The following KIAA0825 variants were observed in gnomAD, a reference collection of about 807,000 sequenced individuals.
KIAA0825 encodes KIAA0825.
A neutral mutation model predicts 147.6 loss-of-function variants in KIAA0825; 119 were observed. The ratio of observed to expected loss-of-function variants is 0.81; its 90% CI spans 0.69 to 0.94. The LOEUF (loss-of-function observed/expected upper bound fraction) is 0.94. KIAA0825 is among the 40% of genes least tolerant of loss of function. KIAA0825 has a pLI of 0.00. For missense variants in KIAA0825, 1,381 were observed against 1,472.7 expected (o/e 0.94, Z 1.02); for synonymous variants, 470 against 518.1 (o/e 0.91, Z 1.26).
Position 94,152,111 on chromosome 5 carries a change from A to AT in KIAA0825, c.*1895dup, listed in dbSNP as rs1766547035. Among the ~76,000 whole-genome samples the AT allele has an allele frequency of 6.6e-6, 1 of 152,240 alleles. No individual in the cohort carries two copies. Among genetic ancestry groups the AT allele is most frequent in the Non-Finnish European group, 1.5e-5 (1 of 68,036 alleles). On this transcript the variant is annotated 3_prime_UTR_variant, in exon 21 of 21. Transcript: ENST00000682413. ...TGATTATACTGGCCAACTAAAGTAC[A>AT]TTTTTTAAAAATAAAATGTGTTATT...
intron 5 of KIAA0825, among the ~76,000 whole-genome samples, chr5:94,516,848 C>T (rs929869218): frequency 2.0e-5 from 3 of 151,972 alleles, no homozygotes; most frequent in Middle Eastern, 3.4e-3. Context: ...CACCTGTAAC[C>T]CCAGCACTTT....
chr5:94,163,816 G>A (rs1767789481), intron 20 of KIAA0825, among the ~76,000 whole-genome samples: 1 of 152,074 alleles, frequency 6.6e-6, no homozygotes, highest in African/African-American at 2.4e-5. Flanking sequence ...AAAATATGGT[G>A]TTGTATATAT....
chr5:94,253,699 G>T (rs1776095884), intron 20 of KIAA0825, among the ~76,000 whole-genome samples: 1 of 151,962 alleles, frequency 6.6e-6, no homozygotes, highest in Non-Finnish European at 1.5e-5. Context: ...ATTTTTGTTT[G>T]GTTCCGTGAA....
intron 17 of KIAA0825, among the ~76,000 whole-genome samples, chr5:94,394,187 T>C (rs931102145): frequency 6.6e-6 from 1 of 152,118 alleles, no homozygotes; most frequent in Non-Finnish European, 1.5e-5. Flanking sequence ...CTGTAAGAGA[T>C]TGTTATCTAA....
Position 94,271,057 on chromosome 5 carries a change from T to C in KIAA0825, c.3710+113311A>G, listed in dbSNP as rs925538738. On this transcript the variant is annotated intron_variant, in intron 20 of 20. Coordinates refer to ENST00000682413, the MANE Select transcript of KIAA0825 (RefSeq NM_001145678.3). ...ATAGAAGTATTAAGTATATGAAATA[T>C]ATTTTACTAGACAATTTGAAAAGGT... Among the ~76,000 whole-genome samples, 32 of 152,264 alleles carry C rather than the reference T, an allele frequency of 2.1e-4. 1 individual carries two copies. Among genetic ancestry groups the C allele is most frequent in the Admixed American group, 2.0e-4 (3 of 15,288 alleles).
At chr5:94,228,945 C>T (rs1309213154) in intron 20 of KIAA0825, among the ~76,000 whole-genome samples, 1 of 152,152 alleles carries the variant, frequency 6.6e-6, no homozygotes, top group Admixed American at 6.5e-5. Flanking sequence ...CTGACCATTC[C>T]AGGCCCCACC....
rs186554892 is a variant in KIAA0825 at position 94,520,839 on chromosome 5, C to G, written c.379G>C (p.Val127Leu). Residue 127 changes from valine to leucine, a missense_variant, in exon 5 of 21, where the codon GTT becomes CTT. Coordinates refer to ENST00000682413, the MANE Select transcript of KIAA0825 (RefSeq NM_001145678.3). ...LLWDLSCHSS[V>L]SFPSTLSGTS... is the part of the protein sequence containing the mutation. Reference sequence around the variant, plus strand: ...CCACTTAGGGTTGATGGGAATGAAACGCTGCTGTGGCAGGAGAGGTCCCAA... The same window carrying G: ...CCACTTAGGGTTGATGGGAATGAAAGGCTGCTGTGGCAGGAGAGGTCCCAA... 6.2e-7 allele frequency: 1 copy of G among 1,612,936 alleles called. No homozygotes were observed. Among genetic ancestry groups the G allele is most frequent in the Non-Finnish European group, 8.5e-7 (1 of 1,179,308 alleles).
rs112912777 is a variant in KIAA0825 at position 94,236,852 on chromosome 5, T to A, written c.3711-82728A>T. On this transcript the variant is annotated intron_variant, in intron 20 of 20. Transcript: ENST00000682413. ...GTATTTTAAAGCAATGAATTATTTTTAAATTAAGTATGTACATTGTTTTTT... is the reference window on the plus strand; with the variant it reads ...GTATTTTAAAGCAATGAATTATTTTAAAATTAAGTATGTACATTGTTTTTT... Among the ~76,000 whole-genome samples, 877 of 152,336 alleles carry A rather than the reference T, an allele frequency of 5.8e-3. 11 individuals are homozygous for A. The highest frequency in any genetic ancestry group is 0.019 in the African/African-American group (791 of 41,580).
chr5:94,578,702 T>C (rs1341008985), intron 2 of KIAA0825, among the ~76,000 whole-genome samples: 1 of 152,174 alleles, frequency 6.6e-6, no homozygotes, highest in Non-Finnish European at 1.5e-5. Context: ...AGATACTTAA[T>C]TCTAAATTTA....
Position 94,452,970 on chromosome 5 carries a change from AG to A in KIAA0825, c.2345del (p.Pro782LeufsTer12). On this transcript the variant is annotated frameshift_variant, in exon 13 of 21. Transcript: ENST00000682413. LOFTEE classifies it high-confidence loss of function. ...YWVSCISHFY[P>X]SLLRTPSAGG... is the part of the protein sequence containing the mutation. ...TTAGAGGCTCTCACCTGAGTAAAGA[AG>A]GGTAGAAATGTGATATGCAAGAAAC... 6.7e-7 allele frequency: 1 copy of A among 1,497,538 alleles called. No individual in the cohort carries two copies. The highest frequency in any genetic ancestry group is 8.9e-7 in the Non-Finnish European group (1 of 1,118,138). 92.8% of individuals were successfully genotyped at this position (1,497,538 alleles called of 1,614,324 possible). A position where few individuals can be genotyped will look rare whatever the true frequency, so the allele number is the denominator to read the frequency against.
Position 94,391,634 on chromosome 5 carries a change from C to A in KIAA0825, c.3357G>T (p.Leu1119=), listed in dbSNP as rs1043305120. The A allele has an allele frequency of 1.2e-5, 18 of 1,551,416 alleles. No individual in the cohort carries two copies. Among genetic ancestry groups the A allele is most frequent in the Admixed American group, 7.9e-5 (4 of 50,938 alleles). ...CCATCGTGTTTATTTTCTGCTCAGT[C>A]AGTTCAAGAGCAACATCTCCTTCTT... The part of the protein sequence containing the change: ...ALQEGDVALE[L]TEQKINTMVL... The change falls in exon 18 of 21, where the codon CTG becomes CTT. Residue 1119 remains leucine, a synonymous_variant. Coordinates refer to ENST00000682413, the MANE Select transcript of KIAA0825 (RefSeq NM_001145678.3).
At chr5:94,184,512 T>C (rs1333017142) in intron 20 of KIAA0825, among the ~76,000 whole-genome samples, 1 of 152,118 alleles carries the variant, frequency 6.6e-6, no homozygotes, top group Non-Finnish European at 1.5e-5. Flanking sequence ...CTCATACTCT[T>C]TATATTAGAA....
At chr5:94,490,139 A>T (rs1343010196) in intron 5 of KIAA0825, among the ~76,000 whole-genome samples, 1 of 152,206 alleles carries the variant, frequency 6.6e-6, no homozygotes, top group East Asian at 1.9e-4. Context: ...GACACAGTCA[A>T]CACAAGTGTA....
intron 5 of KIAA0825, among the ~76,000 whole-genome samples, chr5:94,513,355 A>G (rs1342977367): frequency 6.6e-6 from 1 of 152,200 alleles, no homozygotes; most frequent in Non-Finnish European, 1.5e-5. Context: ...AAACCAAAAC[A>G]GAATCTTATT....
At chr5:94,465,999 C>T (rs147881018) in intron 10 of KIAA0825, among the ~76,000 whole-genome samples, 1 of 152,142 alleles carries the variant, frequency 6.6e-6, no homozygotes. Flanking sequence ...ATTCCTCAAG[C>T]ATTATCTTGA....
intron 20 of KIAA0825, among the ~76,000 whole-genome samples, chr5:94,236,897 A>C (rs2150096313): frequency 6.6e-6 from 1 of 152,322 alleles, no homozygotes; most frequent in African/African-American, 2.4e-5. Context: ...GCTATTGCAC[A>C]CTTAATAGAC....
chr5:94,255,273 C>A lies in KIAA0825; in HGVS notation c.3711-101149G>T, dbSNP rs369961898. ...GAAGGCATCGATTTTTCCTATTGGG[C>A]CTGTGTCATTGCAGCAATTTTAGTT... On this transcript the variant is annotated intron_variant, in intron 20 of 20. Transcript: ENST00000682413. Among the ~76,000 whole-genome samples, 4 of 151,832 alleles carry A rather than the reference C, an allele frequency of 2.6e-5. No homozygotes were observed. The South Asian group carries it at 6.3e-4, about 24-fold the overall frequency.
At chr5:94,393,538 A>G (rs567799565) in intron 17 of KIAA0825, among the ~76,000 whole-genome samples, 1 of 152,342 alleles carries the variant, frequency 6.6e-6, no homozygotes, top group African/African-American at 2.4e-5. Flanking sequence ...TTAAATCTGG[A>G]TGCAAGTGAA....
chr5:94,235,898 T>C (rs571550324), intron 20 of KIAA0825, among the ~76,000 whole-genome samples: 2 of 152,334 alleles, frequency 1.3e-5, no homozygotes, highest in South Asian at 4.1e-4. Flanking sequence ...TTACTGAATA[T>C]TTTAAATCCA....
Sources: allele counts gnomAD v4.1 joint callset (sites outside exome capture counted in the v4.1 genomes callset), GRCh38; gene constraint gnomAD v4.1.1; transcripts MANE v1.5; gene names NCBI Gene and HGNC (gene_info 2026-07-23, HGNC 2026-07-21).